Variants in GAS2 observed in about 807,000 individuals in gnomAD.
The protein encoded by GAS2 is growth arrest specific 2.
In GAS2, 20 loss-of-function variants were observed where a neutral mutation model predicts 37.5. The observed-to-expected ratio is 0.53, with a 90% CI of 0.37 to 0.77. GAS2 has a LOEUF of 0.77. GAS2 is among the 30% of genes least tolerant of loss of function. The pLI, the probability that GAS2 is intolerant of heterozygous loss-of-function variation, is 0.00. For synonymous variants in GAS2, 144 were observed against 132.2 expected, an observed-to-expected ratio of 1.09 and a Z score of -0.61; for missense variants, 336 against 373.4, an observed-to-expected ratio of 0.90 and a Z score of 0.82.
At chr11:22,686,914 A>T (rs1849988748) in intron 3 of GAS2, among the ~76,000 whole-genome samples, 1 of 152,190 alleles carries the variant, frequency 6.6e-6, no homozygotes, top group South Asian at 2.1e-4. Flanking sequence ...TGTATAATAT[A>T]CAAAACCTCC....
At chr11:22,734,779 G>T (rs1267430508) in intron 4 of GAS2, among the ~76,000 whole-genome samples, 3 of 151,636 alleles carry the variant, frequency 2.0e-5, no homozygotes, top group Admixed American at 1.3e-4. Context: ...AATATGACCA[G>T]CAAGTATTAG....
At chr11:22,775,177 A>G (rs1855192460) in intron 7 of GAS2, among the ~76,000 whole-genome samples, 2 of 152,212 alleles carry the variant, frequency 1.3e-5, no homozygotes, top group Admixed American at 6.5e-5. Context: ...AATAATTTTT[A>G]GACGAGGAGA....
chr11:22,709,837 A>T (rs191116386), intron 3 of GAS2, among the ~76,000 whole-genome samples: 63 of 152,306 alleles, frequency 4.1e-4, no homozygotes, highest in African/African-American at 1.4e-3. Flanking sequence ...AGCGGTAAAA[A>T]ATGATGAGTT....
At chr11:22,695,337 ACT>A (rs1402429736) in intron 3 of GAS2, among the ~76,000 whole-genome samples, 1 of 151,020 alleles carries the variant, frequency 6.6e-6, no homozygotes, top group South Asian at 2.1e-4. Flanking sequence ...AAAAAAAAAG[ACT>A]CTTTATTCTG....
rs1848660877 is a variant in GAS2, at chr11:22,644,078, C to T, written c.-21+18265C>T. On this transcript the variant is annotated intron_variant, in intron 1 of 5. Transcript: ENST00000528582. ...GAAAAATATGCATGTACATTACCTGCATGTAGATATGTAAACTCATTTTTA... is the reference window on the plus strand; with the variant it reads ...GAAAAATATGCATGTACATTACCTGTATGTAGATATGTAAACTCATTTTTA... Among the ~76,000 whole-genome samples the T allele has an allele frequency of 2.6e-5, 4 of 151,996 alleles. No individual in the cohort carries two copies. In the South Asian group the frequency reaches 8.3e-4, roughly 32 times the overall value.
At chr11:22,626,129 C>T in intron 1 of GAS2, 2 of 324,760 alleles carry the variant, frequency 6.2e-6, no homozygotes, top group South Asian at 2.7e-5. Flanking sequence ...TGGAAATATC[C>T]TTAAGTAGAA....
intron 3 of GAS2, among the ~76,000 whole-genome samples, chr11:22,697,981 G>T (rs1850620763): frequency 6.6e-6 from 1 of 152,126 alleles, no homozygotes; most frequent in Non-Finnish European, 1.5e-5. Flanking sequence ...CCAACACTGT[G>T]TTGAATAGGA....
chr11:22,634,619 G>T (rs891421926), intron 1 of GAS2, among the ~76,000 whole-genome samples: 2 of 152,156 alleles, frequency 1.3e-5, no homozygotes, highest in African/African-American at 2.4e-5. Flanking sequence ...AGGGATCCCT[G>T]AGGGCCAAAC....
chr11:22,747,027 A>C (rs1189905377), intron 5 of GAS2, among the ~76,000 whole-genome samples: 1 of 152,130 alleles, frequency 6.6e-6, no homozygotes, highest in Non-Finnish European at 1.5e-5. Flanking sequence ...TTACTAGAAA[A>C]CTAAAAAAAA....
At chr11:22,649,517 G>A (rs970000159) in intron 1 of GAS2, among the ~76,000 whole-genome samples, 32 of 152,000 alleles carry the variant, frequency 2.1e-4, no homozygotes, top group Non-Finnish European at 2.5e-4. Flanking sequence ...TGTACCTCTG[G>A]TAGAATTCGG....
chr11:22,756,410 G>T (rs977331417), intron 7 of GAS2, among the ~76,000 whole-genome samples: 2 of 152,186 alleles, frequency 1.3e-5, no homozygotes, highest in Middle Eastern at 3.4e-3. Flanking sequence ...AGGAACAGAG[G>T]TTGTGATGTT....
upstream of GAS2, among the ~76,000 whole-genome samples, chr11:22,662,855 G>A (rs1211011698): frequency 1.3e-5 from 2 of 151,764 alleles, no homozygotes; most frequent in African/African-American, 2.4e-5. Flanking sequence ...TGTGTCCCTG[G>A]GCAACATAGT....
Position 22,646,361 on chromosome 11 carries a change from A to T in GAS2, c.-21+20548A>T, listed in dbSNP as rs534338111. On this transcript the variant is annotated intron_variant, in intron 1 of 5. Transcript: ENST00000528582. Reference sequence around the variant, plus strand: ...GTCTTTACAGTGTGCTTTAGGATCAATTTACCTTTTATTGCCTATACTGAC... The same window carrying T: ...GTCTTTACAGTGTGCTTTAGGATCATTTTACCTTTTATTGCCTATACTGAC... 1.3e-4 allele frequency among the ~76,000 whole-genome samples: 20 copies of T among 152,314 alleles called. No individual in the cohort carries two copies. The South Asian group carries it at 4.1e-3, about 32-fold the overall frequency.
chr11:22,648,513 G>A (rs531693780), intron 1 of GAS2, among the ~76,000 whole-genome samples: 32 of 152,250 alleles, frequency 2.1e-4, no homozygotes, highest in African/African-American at 7.2e-4. Flanking sequence ...ATTACCTTGC[G>A]CAGTATGGCC....
At chr11:22,791,261 TA>T (rs1856147506) in intron 7 of GAS2, among the ~76,000 whole-genome samples, 1 of 152,140 alleles carries the variant, frequency 6.6e-6, no homozygotes, top group Admixed American at 6.5e-5. Context: ...GGGGTGTCTC[TA>T]AATGGAGAAA....
chr11:22,787,666 G>A (rs1564888907), intron 7 of GAS2, among the ~76,000 whole-genome samples: 1 of 152,136 alleles, frequency 6.6e-6, no homozygotes, highest in Admixed American at 6.5e-5. Flanking sequence ...AAGCGTTGGG[G>A]GAAAAACACG....
intron 7 of GAS2, among the ~76,000 whole-genome samples, chr11:22,799,855 T>G (rs1026560114): frequency 6.6e-6 from 1 of 152,064 alleles, no homozygotes; most frequent in Non-Finnish European, 1.5e-5. Context: ...GGCACTGTGC[T>G]AGGCACCCAG....
rs189251154 is a variant in GAS2, at chr11:22,652,794, C to T, written c.-20-22056C>T. On this transcript the variant is annotated intron_variant, in intron 1 of 5. Transcript: ENST00000528582. The stretch of plus-strand genomic sequence containing the variant: ...CCTGCTTCGGCTCGCACACGGTGCG[C>T]GCACCCACTGACCTGCACCCACTGT... Among the ~76,000 whole-genome samples the T allele has an allele frequency of 1.2e-4, 19 of 152,286 alleles. No individual in the cohort carries two copies. The East Asian group carries it at 2.1e-3, about 17-fold the overall frequency.
upstream of GAS2, among the ~76,000 whole-genome samples, chr11:22,664,917 GA>G (rs1180555214): frequency 2.6e-5 from 4 of 151,806 alleles, no homozygotes; most frequent in Non-Finnish European, 5.9e-5. Context: ...GTTAATGAAA[GA>G]AAAAACACAT....
Sources: allele counts gnomAD v4.1 joint callset (sites outside exome capture counted in the v4.1 genomes callset), GRCh38; gene constraint gnomAD v4.1.1; transcripts MANE v1.5; gene names NCBI Gene and HGNC (gene_info 2026-07-23, HGNC 2026-07-21).